AKR1C3: variants seen among roughly 807,000 people sequenced by gnomAD.
AKR1C3 encodes aldo-keto reductase family 1 member C3.
In AKR1C3, 48 loss-of-function variants were observed where a neutral mutation model predicts 43.6. The ratio of observed to expected loss-of-function variants is 1.10; its 90% CI spans 0.87 to 1.40. The LOEUF (loss-of-function observed/expected upper bound fraction) is 1.40. Among genes scored for constraint, AKR1C3 ranks in the 40% most tolerant of loss-of-function variants. The pLI is 0.00. For synonymous variants in AKR1C3, 162 were observed against 139.6 expected (o/e 1.16, Z -1.13); for missense variants, 482 against 391.2 (o/e 1.23, Z -1.96).
At chr10:5,082,921 C>T (rs1554782539) in intron 1 of AKR1C3, among the ~76,000 whole-genome samples, 1 of 152,018 alleles carries the variant, frequency 6.6e-6, no homozygotes, top group Non-Finnish European at 1.5e-5. Context: ...TCTCTGGTCC[C>T]ACGCTATTTT....
intron 3 of AKR1C3, among the ~76,000 whole-genome samples, chr10:5,098,441 G>C (rs555318936): frequency 6.6e-6 from 1 of 152,102 alleles, no homozygotes; most frequent in Non-Finnish European, 1.5e-5. Context: ...TAATCCTACC[G>C]TGTACAAGAG....
chr10:5,080,324 T>G (rs541496399), intron 1 of AKR1C3, among the ~76,000 whole-genome samples: 119 of 152,298 alleles, frequency 7.8e-4, no homozygotes, highest in African/African-American at 2.7e-3. Context: ...TTTGTAATTA[T>G]AAGATTTCTC....
intron 1 of AKR1C3, among the ~76,000 whole-genome samples, chr10:5,083,252 A>G (rs1838875819): frequency 6.6e-6 from 1 of 151,030 alleles, no homozygotes; most frequent in South Asian, 2.1e-4. Context: ...ACAGTCCCCC[A>G]GAGTGTGATG....
In AKR1C3 at chr10:5,094,493, C is replaced by G; in HGVS notation, c.49C>G (p.Pro17Ala). The change falls in exon 1 of 9, where the codon CCT (proline) becomes GCT (alanine). Residue 17 changes from proline to alanine, a missense_variant. Physicochemically the swap from Pro to Ala is conservative, Grantham distance 27. Coordinates refer to ENST00000380554, the MANE Select transcript of AKR1C3 (RefSeq NM_003739.6). The part of the protein sequence containing the change: ...CVKLNDGHFM[P>A]VLGFGTYAPP... ...AAAGCTAAATGATGGCCACTTCATG[C>G]CTGTATTGGGATTTGGCACCTATGC... 2 of 1,612,706 alleles carry G rather than the reference C, an allele frequency of 1.2e-6. No homozygotes were observed. Among genetic ancestry groups the G allele is most frequent in the Non-Finnish European group, 1.7e-6 (2 of 1,178,958 alleles).
chr10:5,085,052 A>G (rs1465214877), intron 1 of AKR1C3, among the ~76,000 whole-genome samples: 10 of 152,052 alleles, frequency 6.6e-5, no homozygotes, highest in Non-Finnish European at 1.3e-4. Flanking sequence ...TTCTTTTCCT[A>G]ATTGAATACC....
intron 1 of AKR1C3, among the ~76,000 whole-genome samples, chr10:5,063,279 A>G (rs1554780420): frequency 6.6e-6 from 1 of 152,216 alleles, no homozygotes; most frequent in African/African-American, 2.4e-5. Flanking sequence ...GAGAGTTTTT[A>G]TATAAAATTT....
At chr10:5,066,808 C>T (rs968236409) in intron 1 of AKR1C3, among the ~76,000 whole-genome samples, 1 of 152,172 alleles carries the variant, frequency 6.6e-6, no homozygotes, top group Non-Finnish European at 1.5e-5. Flanking sequence ...TTCTGTTCAT[C>T]CAACTCTATT....
upstream of AKR1C3, among the ~76,000 whole-genome samples, chr10:5,089,696 C>T (rs1050638370): frequency 2.6e-5 from 4 of 151,850 alleles, no homozygotes; most frequent in Non-Finnish European, 4.4e-5. Flanking sequence ...ATTGAGCTTT[C>T]TTATAATCCA....
upstream of AKR1C3, among the ~76,000 whole-genome samples, chr10:5,092,744 A>G (rs1839122145): frequency 6.6e-6 from 1 of 152,036 alleles, no homozygotes; most frequent in African/African-American, 2.4e-5. Context: ...ATTTTAGCAT[A>G]TTTAAGATAA....
intron 1 of AKR1C3, among the ~76,000 whole-genome samples, chr10:5,056,594 G>A (rs1426187234): frequency 6.6e-6 from 1 of 152,180 alleles, no homozygotes; most frequent in Non-Finnish European, 1.5e-5. Context: ...CCTTTGATAA[G>A]GAAAAGTGGT....
chr10:5,105,757 AC>A, intron 8 of AKR1C3, 80 bp downstream of exon 8: 1 of 1,098,634 alleles, frequency 9.1e-7, no homozygotes, highest in Non-Finnish European at 1.4e-6. Context: ...TGACCTCCAT[AC>A]CAGAGGGACA....
At chr10:5,075,356 C>T (rs1554781706) in intron 1 of AKR1C3, among the ~76,000 whole-genome samples, 1 of 152,086 alleles carries the variant, frequency 6.6e-6, no homozygotes. Context: ...TTCCCTTGGC[C>T]CCCACCAGCA....
intron 5 of AKR1C3, among the ~76,000 whole-genome samples, chr10:5,100,892 A>G (rs1564370759): frequency 6.6e-6 from 1 of 152,200 alleles, no homozygotes; most frequent in African/African-American, 2.4e-5. Flanking sequence ...TTTATGGCAA[A>G]TGTTTATGTG....
At chr10:5,098,066 TA>T in intron 3 of AKR1C3, 1 of 997,042 alleles carries the variant, frequency 1.0e-6, no homozygotes, top group Non-Finnish European at 1.2e-6. Flanking sequence ...TTTGAAGCTG[TA>T]TTTAGCCAGG....
At chr10:5,087,358 A>G (rs1185451063) in intron 1 of AKR1C3, among the ~76,000 whole-genome samples, 1 of 144,642 alleles carries the variant, frequency 6.9e-6, no homozygotes, top group East Asian at 2.0e-4. Flanking sequence ...ATCAGTTTTA[A>G]TGTCACCTTT....
At chr10:5,079,972 G>T (rs1255478189) in intron 1 of AKR1C3, among the ~76,000 whole-genome samples, 1 of 152,210 alleles carries the variant, frequency 6.6e-6, no homozygotes, top group Non-Finnish European at 1.5e-5. Flanking sequence ...AAGCAGAAAA[G>T]TTAAAGCGAA....
intron 1 of AKR1C3, chr10:5,080,942 G>A (rs1227449879): frequency 6.6e-6 from 1 of 152,066 alleles, no homozygotes; most frequent in East Asian, 1.9e-4. Flanking sequence ...AGGAGTTTTA[G>A]AATGGGGTTT....
chr10:5,065,801 C>G (rs918549760), intron 1 of AKR1C3, among the ~76,000 whole-genome samples: 1 of 152,102 alleles, frequency 6.6e-6, no homozygotes, highest in Non-Finnish European at 1.5e-5. Flanking sequence ...CCTTATGTTC[C>G]CTGCCTCCAG....
At chr10:5,060,395 T>C (rs950271854) in intron 1 of AKR1C3, among the ~76,000 whole-genome samples, 4 of 152,276 alleles carry the variant, frequency 2.6e-5, no homozygotes, top group Non-Finnish European at 5.9e-5. Context: ...GATTGGTGCA[T>C]TTACAATCCC....
Sources: allele counts gnomAD v4.1 joint callset (sites outside exome capture counted in the v4.1 genomes callset), GRCh38; gene constraint gnomAD v4.1.1; transcripts MANE v1.5; gene names NCBI Gene and HGNC (gene_info 2026-07-23, HGNC 2026-07-21).